The following NTM variants were observed in gnomAD, a reference collection of about 807,000 sequenced individuals.
The protein encoded by NTM is neurotrimin.
A neutral mutation model predicts 42.1 loss-of-function variants in NTM; 13 were observed. The observed-to-expected ratio is 0.31, with a 90% CI of 0.20 to 0.49. The LOEUF (loss-of-function observed/expected upper bound fraction) is 0.49, where lower values mean the gene tolerates loss of function less well. NTM is among the 20% of genes least tolerant of loss of function. NTM has a pLI of 0.99. For missense variants in NTM, 373 were observed against 452.8 expected, an observed-to-expected ratio of 0.82 and a Z score of 1.60; for synonymous variants, 187 against 179.2, an observed-to-expected ratio of 1.04 and a Z score of -0.35.
chr11:132,082,635 C>A (rs1319722478), intron 2 of NTM, among the ~76,000 whole-genome samples: 1 of 152,180 alleles, frequency 6.6e-6, no homozygotes, highest in African/African-American at 2.4e-5. Flanking sequence ...TGTCTCCTCC[C>A]TCTATGATTC....
chr11:131,985,848 A>G (rs1385879649), intron 2 of NTM, among the ~76,000 whole-genome samples: 1 of 152,152 alleles, frequency 6.6e-6, no homozygotes, highest in East Asian at 1.9e-4. Context: ...CACCACATAT[A>G]ACTGTTGTGA....
intron 1 of NTM, among the ~76,000 whole-genome samples, chr11:131,821,161 C>T (rs570757746): frequency 3.3e-5 from 5 of 152,206 alleles, no homozygotes; most frequent in African/African-American, 7.2e-5. Context: ...AAATTACTTC[C>T]CCCTAGTTTC....
At chr11:131,487,488 G>A (rs901710882) in intron 1 of NTM, among the ~76,000 whole-genome samples, 3 of 152,206 alleles carry the variant, frequency 2.0e-5, no homozygotes, top group African/African-American at 7.2e-5. Flanking sequence ...AAATCCAGTA[G>A]CCATGACTTC....
At chr11:131,553,028 C>G (rs1051080611) in intron 1 of NTM, among the ~76,000 whole-genome samples, 3 of 152,134 alleles carry the variant, frequency 2.0e-5, no homozygotes, top group African/African-American at 7.2e-5. Flanking sequence ...CATTCCATAA[C>G]AGGCAAAATT....
intron 1 of NTM, among the ~76,000 whole-genome samples, chr11:131,866,093 GCACA>G (rs772583516): frequency 3.9e-5 from 5 of 129,594 alleles, no homozygotes; most frequent in East Asian, 4.0e-4. Context: ...CATGCTACAT[GCACA>G]CACACACACA....
At chr11:131,992,703 T>C (rs2846137) in intron 2 of NTM, among the ~76,000 whole-genome samples, 1 of 152,202 alleles carries the variant, frequency 6.6e-6, no homozygotes, top group Non-Finnish European at 1.5e-5. Context: ...TGAATACTTT[T>C]CTATGTTCCT....
chr11:131,432,892 T>C (rs1324655671), intron 1 of NTM, among the ~76,000 whole-genome samples: 1 of 136,424 alleles, frequency 7.3e-6, no homozygotes, highest in South Asian at 2.4e-4. Flanking sequence ...CTCACTCTGT[T>C]TGCCCAGGCT....
At chr11:131,849,982 A>G (rs1205252177) in intron 1 of NTM, among the ~76,000 whole-genome samples, 1 of 151,626 alleles carries the variant, frequency 6.6e-6, no homozygotes, top group Non-Finnish European at 1.5e-5. Flanking sequence ...AATAATAATA[A>G]TAATAATAAT....
intron 1 of NTM, chr11:131,794,939 A>C: frequency 1.0e-6 from 1 of 985,096 alleles, no homozygotes; most frequent in South Asian, 4.7e-5. Flanking sequence ...GAGTTAGGGG[A>C]ACCTGAACCC....
intron 1 of NTM, among the ~76,000 whole-genome samples, chr11:131,730,998 T>C (rs1443841908): frequency 6.6e-6 from 1 of 152,208 alleles, no homozygotes; most frequent in Non-Finnish European, 1.5e-5. Flanking sequence ...TGCATAGAAC[T>C]ACGAGGCTGC....
chr11:131,684,328 G>A (rs2073498362), intron 1 of NTM, among the ~76,000 whole-genome samples: 1 of 152,152 alleles, frequency 6.6e-6, no homozygotes, highest in African/African-American at 2.4e-5. Flanking sequence ...ACGTCTCTGA[G>A]ATTATAAAGC....
chr11:131,468,059 T>A (rs1261606754), intron 1 of NTM, among the ~76,000 whole-genome samples: 1 of 152,218 alleles, frequency 6.6e-6, no homozygotes, highest in East Asian at 1.9e-4. Context: ...AGGGATGACG[T>A]AGGGTCAGTG....
At chr11:131,858,669 T>C (rs967410329) in intron 1 of NTM, among the ~76,000 whole-genome samples, 1 of 152,198 alleles carries the variant, frequency 6.6e-6, no homozygotes, top group African/African-American at 2.4e-5. Context: ...CCGAGCTCAC[T>C]GGCTTTGCTG....
chr11:132,275,547 C>T lies in NTM; in HGVS notation c.527-32142C>T, dbSNP rs566411523. Reference sequence around the variant, plus strand: ...CATTTTTTGCTCATTCTGCATACTTCGCTTTTCCACATATATTGCAGAGCA... The same window carrying T: ...CATTTTTTGCTCATTCTGCATACTTTGCTTTTCCACATATATTGCAGAGCA... On this transcript the variant is annotated intron_variant, in intron 4 of 8. Transcript: ENST00000683400. Among the ~76,000 whole-genome samples the T allele has an allele frequency of 7.9e-5, 12 of 150,980 alleles. No individual in the cohort carries two copies. The East Asian group carries it at 1.2e-3, about 15-fold the overall frequency.
At chr11:131,682,880 C>T (rs1340096815) in intron 1 of NTM, among the ~76,000 whole-genome samples, 3 of 152,070 alleles carry the variant, frequency 2.0e-5, no homozygotes, top group Non-Finnish European at 4.4e-5. Flanking sequence ...ATGTTGCGCC[C>T]ACACTCCCTC....
chr11:131,702,437 A>G (rs1163251330), intron 1 of NTM, among the ~76,000 whole-genome samples: 3 of 152,182 alleles, frequency 2.0e-5, no homozygotes, highest in Non-Finnish European at 4.4e-5. Context: ...CAGATAACAT[A>G]CAGATTTGGA....
chr11:131,374,243 A>C (rs564832065), intron 1 of NTM, among the ~76,000 whole-genome samples: 22 of 152,314 alleles, frequency 1.4e-4, no homozygotes, highest in Middle Eastern at 3.4e-3. Context: ...CAAGGCGTGC[A>C]CAGTGGCACA....
chr11:132,141,254 T>TCTCTCCCC (rs1246181274), intron 2 of NTM, among the ~76,000 whole-genome samples: 2 of 151,884 alleles, frequency 1.3e-5, no homozygotes, highest in Non-Finnish European at 2.9e-5. Context: ...TCTCTCTCCC[T>TCTCTCCCC]CTCTCTCCCC....
intron 2 of NTM, among the ~76,000 whole-genome samples, chr11:131,975,106 A>G (rs1281039891): frequency 6.6e-6 from 1 of 152,174 alleles, no homozygotes; most frequent in Non-Finnish European, 1.5e-5. Context: ...ACAGTAATAT[A>G]ACTGCCTAGT....
Sources: gnomAD v4.1 joint callset for allele counts (sites outside exome capture counted in the v4.1 genomes callset) on GRCh38, gnomAD v4.1.1 for gene constraint, MANE v1.5 for transcripts, NCBI Gene and HGNC (gene_info 2026-07-23, HGNC 2026-07-21) for gene names.